Variants in KCNJ12 observed in about 807,000 individuals in gnomAD.
The protein encoded by KCNJ12 is ATP-sensitive inward rectifier potassium channel 12.
KCNJ12 carries 2 observed loss-of-function variants against 22.3 expected under a neutral mutation model. The ratio of observed to expected loss-of-function variants is 0.09; its 90% CI spans 0.04 to 0.28. The LOEUF (loss-of-function observed/expected upper bound fraction) is 0.28, where lower values mean the gene tolerates loss of function less well. KCNJ12 is among the 10% of genes least tolerant of loss of function. The pLI is 1.00. For synonymous variants in KCNJ12, 117 were observed against 261.4 expected (o/e 0.45, Z 5.33); for missense variants, 155 against 633.3 (o/e 0.24, Z 8.11).
chr17:21,397,765 G>T (rs1010954964), intron 1 of KCNJ12, among the ~76,000 whole-genome samples: 2 of 152,168 alleles, frequency 1.3e-5, no homozygotes, highest in African/African-American at 4.8e-5. Flanking sequence ...CAGCCAGTGC[G>T]GCCTGACTCA....
intron 2 of KCNJ12, among the ~76,000 whole-genome samples, chr17:21,408,867 G>T (rs1233442232): frequency 6.6e-6 from 1 of 151,892 alleles, no homozygotes; most frequent in African/African-American, 2.4e-5. Flanking sequence ...CCATTCATCT[G>T]CTCAACCATC....
At chr17:21,403,753 A>G (rs2142064829) in intron 1 of KCNJ12, among the ~76,000 whole-genome samples, 1 of 152,394 alleles carries the variant, frequency 6.6e-6, no homozygotes, top group South Asian at 2.1e-4. Flanking sequence ...GCCAGTCTCC[A>G]TGTATTCACT....
At chr17:21,404,292 G>A (rs35416911) in intron 1 of KCNJ12, among the ~76,000 whole-genome samples, 15,254 of 112,168 alleles carry the variant, frequency 0.14, no homozygotes, top group African/African-American at 0.24. Context: ...CTGTGCTATG[G>A]TTGGTCTCAG....
chr17:21,412,449 C>G (rs1657729), intron 2 of KCNJ12, among the ~76,000 whole-genome samples: 1 of 152,416 alleles, frequency 6.6e-6, no homozygotes, highest in Non-Finnish European at 1.5e-5. Context: ...TTGAGCTGCT[C>G]GGAGCAGGGG....
chr17:21,400,676 C>A (rs1171002995), intron 1 of KCNJ12, among the ~76,000 whole-genome samples: 2 of 152,310 alleles, frequency 1.3e-5, no homozygotes, highest in Non-Finnish European at 2.9e-5. Flanking sequence ...CAGCCCTTCT[C>A]CCTCTGATCC....
intron 2 of KCNJ12, among the ~76,000 whole-genome samples, chr17:21,411,486 C>G (rs1300211293): frequency 1.3e-5 from 2 of 152,300 alleles, no homozygotes; most frequent in Non-Finnish European, 2.9e-5. Context: ...AGGTAGTGTA[C>G]CCCAGCGCCC....
At chr17:21,384,774 T>C (rs529189359) in intron 1 of KCNJ12, among the ~76,000 whole-genome samples, 1 of 150,150 alleles carries the variant, frequency 6.7e-6, no homozygotes, top group African/African-American at 2.4e-5. Flanking sequence ...TTGTTTGTTT[T>C]TTTTTTTTTT....
intron 1 of KCNJ12, among the ~76,000 whole-genome samples, chr17:21,379,182 A>G (rs1167738656): frequency 6.6e-6 from 1 of 152,208 alleles, no homozygotes; most frequent in Non-Finnish European, 1.5e-5. Flanking sequence ...GCTCTGCAGC[A>G]CTGGGGCCGG....
intron 2 of KCNJ12, among the ~76,000 whole-genome samples, chr17:21,414,659 A>T (rs563493079): frequency 1.3e-5 from 2 of 152,408 alleles, no homozygotes; most frequent in African/African-American, 4.8e-5. Flanking sequence ...TTCCTGGGGC[A>T]CAAGGAGGCC....
chr17:21,410,967 G>T (rs1430799026), intron 2 of KCNJ12, among the ~76,000 whole-genome samples: 1 of 152,310 alleles, frequency 6.6e-6, no homozygotes, highest in Non-Finnish European at 1.5e-5. Context: ...TGCCTCGTGA[G>T]GCGCCCCAGC....
chr17:21,384,655 C>T (rs1158273592), intron 1 of KCNJ12, among the ~76,000 whole-genome samples: 4 of 152,160 alleles, frequency 2.6e-5, no homozygotes, highest in Admixed American at 6.5e-5. Flanking sequence ...CTCTCTTCTT[C>T]CCTTAGCCCT....
intron 1 of KCNJ12, among the ~76,000 whole-genome samples, chr17:21,390,801 C>CT (rs1905191654): frequency 2.6e-5 from 4 of 152,102 alleles, no homozygotes; most frequent in Admixed American, 2.6e-4. Flanking sequence ...AAATACAGTT[C>CT]TTTTTTCTTG....
At chr17:21,384,753 T>G (rs76427595) in intron 1 of KCNJ12, among the ~76,000 whole-genome samples, 4,857 of 149,564 alleles carry the variant, frequency 0.032, 253 homozygotes, top group African/African-American at 0.11. Flanking sequence ...TGTTTTTTTT[T>G]TTGTTGTTGT....
intron 1 of KCNJ12, among the ~76,000 whole-genome samples, chr17:21,378,378 GC>G (rs377301437): frequency 2.6e-5 from 4 of 151,872 alleles, no homozygotes; most frequent in South Asian, 2.1e-4. Context: ...TGCTGGGACC[GC>G]CCCCCCCAAC....
At chr17:21,394,111 G>A (rs950313882) in intron 1 of KCNJ12, among the ~76,000 whole-genome samples, 3 of 152,172 alleles carry the variant, frequency 2.0e-5, no homozygotes, top group African/African-American at 7.2e-5. Flanking sequence ...TATCTATCTC[G>A]TGGGGATCTC....
At chr17:21,401,263 G>A (rs2142062311) in intron 1 of KCNJ12, among the ~76,000 whole-genome samples, 1 of 152,356 alleles carries the variant, frequency 6.6e-6, no homozygotes, top group Non-Finnish European at 1.5e-5. Flanking sequence ...AGCCATGGTA[G>A]GGGAGAAGTG....
intron 1 of KCNJ12, among the ~76,000 whole-genome samples, chr17:21,403,013 A>T (rs1235275150): frequency 6.6e-6 from 1 of 152,310 alleles, no homozygotes; most frequent in Non-Finnish European, 1.5e-5. Flanking sequence ...TCTGTGATGC[A>T]GTGAGCAGAA....
chr17:21,411,294 G>C (rs1906328733), intron 2 of KCNJ12, among the ~76,000 whole-genome samples: 1 of 152,310 alleles, frequency 6.6e-6, no homozygotes, highest in African/African-American at 2.4e-5. Context: ...TCCCAGCCCA[G>C]GTCCTGGTCT....
chr17:21,401,680 C>A (rs1905630592), intron 1 of KCNJ12, among the ~76,000 whole-genome samples: 1 of 152,246 alleles, frequency 6.6e-6, no homozygotes, highest in Admixed American at 6.5e-5. Context: ...TGCAGTGCTG[C>A]CTGCCGTCTT....
Sources: allele counts gnomAD v4.1 joint callset (sites outside exome capture counted in the v4.1 genomes callset), GRCh38; gene constraint gnomAD v4.1.1; transcripts MANE v1.5; gene names NCBI Gene and HGNC (gene_info 2026-07-23, HGNC 2026-07-21).